DNMBP: variants seen among roughly 807,000 people sequenced by gnomAD.
DNMBP encodes dynamin binding protein, also known as dynamin-binding protein.
Under a neutral mutation model 150.0 loss-of-function variants are expected in DNMBP, and 87 were observed. The observed-to-expected ratio is 0.58, with a 90% CI of 0.49 to 0.69. The LOEUF is 0.69. Among genes scored for constraint, DNMBP ranks in the 30% least tolerant of loss-of-function variants. DNMBP has a pLI of 0.00. For synonymous variants in DNMBP, 711 were observed against 750.4 expected (o/e 0.95, Z 0.86); for missense variants, 1,774 against 1,949.0 (o/e 0.91, Z 1.69).
chr10:99,977,618 C>T (rs1336944767), intron 1 of DNMBP, among the ~76,000 whole-genome samples: 2 of 152,172 alleles, frequency 1.3e-5, no homozygotes, highest in Non-Finnish European at 2.9e-5. Flanking sequence ...ATTCTTCAAA[C>T]CCTTTTAGAA....
In DNMBP at chr10:99,915,108, A is replaced by AATAT. The variant is rs1554863107; in HGVS notation, c.2261-5966_2261-5963dup. 1.3e-3 allele frequency among the ~76,000 whole-genome samples: 125 copies of AATAT among 99,722 alleles called. 2 individuals carry two copies. The highest frequency in any genetic ancestry group is 8.3e-3 in the Middle Eastern group (1 of 120). 65.4% of individuals were successfully genotyped at this position (99,722 alleles called of 152,430 possible). A position where few individuals can be genotyped will look rare whatever the true frequency, so the allele number is the denominator to read the frequency against. Reference sequence around the variant, plus strand: ...AAACTCTGTCTCAAAAAAAAAAAAAAATATATATATATATATATATACACA... The same window carrying AATAT: ...AAACTCTGTCTCAAAAAAAAAAAAAAATATATATATATATATATATATATACACA... On this transcript the variant is annotated intron_variant, in intron 4 of 16. Coordinates refer to ENST00000324109, the MANE Select transcript of DNMBP (RefSeq NM_015221.4).
intron 3 of DNMBP, among the ~76,000 whole-genome samples, chr10:99,965,064 A>C (rs186097182): frequency 6.6e-6 from 1 of 152,236 alleles, no homozygotes; most frequent in East Asian, 1.9e-4. Flanking sequence ...CCCAGAAACA[A>C]GATACCCAAA....
rs1048789135 is a variant in DNMBP at position 99,956,274 on chromosome 10, A to T, written c.1200T>A (p.Ser400=). The stretch of plus-strand genomic sequence containing the variant: ...CTACTTCTGTAGGGTCAGATGTGGG[A>T]GAGTCTGTGGCAAGAGGCATTTCCC... ...VEWEMPLATD[S]PTSDPTEVVN... is the part of the protein sequence containing the mutation. Residue 400 remains serine (S), a synonymous_variant, in exon 4 of 17, where the codon TCT becomes TCA. Transcript: ENST00000324109. The T allele has an allele frequency of 1.9e-5, 31 of 1,612,816 alleles. No homozygotes were observed. The highest frequency in any genetic ancestry group is 2.5e-5 in the Non-Finnish European group (29 of 1,179,850).
At position 99,880,179 on chromosome 10, in the gene DNMBP, A is replaced by AG; in HGVS notation, c.4179dup (p.Phe1394LeufsTer21). 1.9e-6 allele frequency: 3 copies of AG among 1,614,158 alleles called. No homozygotes were observed. Among genetic ancestry groups the AG allele is most frequent in the Non-Finnish European group, 2.5e-6 (3 of 1,180,034 alleles). On this transcript the variant is annotated frameshift_variant, in exon 16 of 17. Transcript: ENST00000324109. LOFTEE classifies it high-confidence loss of function. The stretch of plus-strand genomic sequence containing the variant: ...TGCTTCTGGCAAGACCCCGAGGTAA[A>AG]GGATACAGCCATGCTGCTGGGGTTG...
At chr10:99,971,840 C>T in intron 2 of DNMBP, 140 bp downstream of exon 2, 1 of 866,984 alleles carries the variant, frequency 1.2e-6, no homozygotes, top group Non-Finnish European at 1.7e-6. Context: ...GAATAATTTT[C>T]TTTCTTTCTT....
chr10:99,895,139 T>TG, intron 10 of DNMBP, 89 bp from the exon 11 acceptor site: 3 of 721,772 alleles, frequency 4.2e-6, no homozygotes, highest in Non-Finnish European at 4.5e-6. Flanking sequence ...TTTTTTTTTT[T>TG]TGTGGAGACG....
chr10:99,990,595 C>T (rs1381109367), intron 1 of DNMBP, among the ~76,000 whole-genome samples: 1 of 141,522 alleles, frequency 7.1e-6, no homozygotes, highest in South Asian at 2.2e-4. Context: ...TGACTAAACA[C>T]CCCAAATTAA....
chr10:99,987,691 T>C (rs753805384), intron 1 of DNMBP, among the ~76,000 whole-genome samples: 6 of 150,706 alleles, frequency 4.0e-5, no homozygotes, highest in Non-Finnish European at 8.8e-5. Flanking sequence ...GCTGAGATCA[T>C]GCCACTGCAC....
At chr10:99,962,231 T>A (rs2040572602) in intron 3 of DNMBP, among the ~76,000 whole-genome samples, 1 of 152,208 alleles carries the variant, frequency 6.6e-6, no homozygotes, top group Non-Finnish European at 1.5e-5. Context: ...TTTCACAAAT[T>A]TGATATTATT....
intron 4 of DNMBP, chr10:99,930,698 GCT>G: frequency 1.4e-6 from 1 of 699,350 alleles, no homozygotes; most frequent in Non-Finnish European, 2.6e-6. Flanking sequence ...CATACTCCCA[GCT>G]GGAGTCCCAG....
chr10:99,995,637 G>A (rs949323855), intron 1 of DNMBP, among the ~76,000 whole-genome samples: 2 of 152,230 alleles, frequency 1.3e-5, no homozygotes, highest in African/African-American at 4.8e-5. Flanking sequence ...GAGCTTTGAA[G>A]TGCTGGTGGG....
In DNMBP at chr10:99,956,440, T is replaced by C. The variant is rs2040497175; in HGVS notation, c.1034A>G (p.Glu345Gly). Reference protein sequence around the residue: ...EEQRHETSDHEAEEPDCIISE... With the variant: ...EEQRHETSDHGAEEPDCIISE... The stretch of plus-strand genomic sequence containing the variant: ...AATAATGCAGTCAGGCTCCTCGGCC[T>C]CATGGTCACTGGTTTCATGTCTTTG... Residue 345 changes from glutamate to glycine, a missense_variant, in exon 4 of 17, where the codon GAG becomes GGG. Glu to Gly is a moderately conservative substitution (Grantham distance 98). Coordinates refer to ENST00000324109, the MANE Select transcript of DNMBP (RefSeq NM_015221.4). The C allele has an allele frequency of 9.3e-6, 15 of 1,613,970 alleles. No individual in the cohort carries two copies. Among genetic ancestry groups the C allele is most frequent in the Non-Finnish European group, 1.2e-5 (14 of 1,180,024 alleles).
chr10:99,903,101 ATTTTTTT>A (rs35462310), intron 6 of DNMBP, among the ~76,000 whole-genome samples: 3 of 134,418 alleles, frequency 2.2e-5, no homozygotes, highest in South Asian at 4.7e-4. Context: ...CACCTGGGCA[ATTTTTTT>A]TTTTTTTTTT....
chr10:99,991,905 CAAAAAA>C (rs71009797), intron 1 of DNMBP, among the ~76,000 whole-genome samples: 2 of 105,068 alleles, frequency 1.9e-5, no homozygotes, highest in African/African-American at 6.9e-5. Context: ...GACTCCACCT[CAAAAAA>C]AAAAAAAAAA....
intron 1 of DNMBP, among the ~76,000 whole-genome samples, chr10:99,986,537 G>A (rs143953023): frequency 1.9e-3 from 273 of 142,242 alleles, no homozygotes; most frequent in African/African-American, 6.8e-3. Context: ...ACTGCAAGGC[G>A]TGAGCTGAGA....
chr10:99,970,139 C>T (rs1403341445), intron 2 of DNMBP, among the ~76,000 whole-genome samples: 1 of 152,182 alleles, frequency 6.6e-6, no homozygotes, highest in Non-Finnish European at 1.5e-5. Context: ...GCAATCCTCT[C>T]TGCCTACCAT....
At chr10:99,878,669 C>T (rs1275725139) in intron 16 of DNMBP, among the ~76,000 whole-genome samples, 1 of 152,214 alleles carries the variant, frequency 6.6e-6, no homozygotes, top group Non-Finnish European at 1.5e-5. Context: ...CAGGACACGA[C>T]TGGGCCTTCC....
intron 1 of DNMBP, among the ~76,000 whole-genome samples, chr10:100,004,890 A>C (rs1344659642): frequency 1.3e-5 from 2 of 152,182 alleles, no homozygotes; most frequent in Non-Finnish European, 2.9e-5. Flanking sequence ...GGGAATAAAT[A>C]CCTATATTAT....
At chr10:99,938,784 G>A (rs552690335) in intron 4 of DNMBP, among the ~76,000 whole-genome samples, 5 of 152,300 alleles carry the variant, frequency 3.3e-5, no homozygotes, top group Non-Finnish European at 5.9e-5. Context: ...GAAAGTGGCC[G>A]AGGAAAGAGG....
Sources: gnomAD v4.1 joint callset for allele counts (sites outside exome capture counted in the v4.1 genomes callset) on GRCh38, gnomAD v4.1.1 for gene constraint, MANE v1.5 for transcripts, NCBI Gene and HGNC (gene_info 2026-07-23, HGNC 2026-07-21) for gene names.